The following ELOVL6 variants were observed in gnomAD, a reference collection of about 807,000 sequenced individuals.
ELOVL6 encodes the protein ELOVL fatty acid elongase 6.
In ELOVL6, 8 loss-of-function variants were observed where a neutral mutation model predicts 31.7. The ratio of observed to expected loss-of-function variants is 0.25; its 90% CI spans 0.15 to 0.45. The LOEUF (loss-of-function observed/expected upper bound fraction) is 0.45. ELOVL6 is among the 20% of genes least tolerant of loss of function. The probability of loss-of-function intolerance (pLI) is 1.00; values close to 1 mark genes in which losing one functional copy is unlikely to be tolerated. For synonymous variants in ELOVL6, 101 were observed against 117.7 expected (o/e 0.86, Z 0.92); for missense variants, 126 against 326.4 (o/e 0.39, Z 4.73).
At chr4:110,084,639 G>C (rs1756194754) in intron 2 of ELOVL6, among the ~76,000 whole-genome samples, 1 of 118,328 alleles carries the variant, frequency 8.5e-6, no homozygotes, top group African/African-American at 3.4e-5. Flanking sequence ...CTGTCGCCCA[G>C]ACTGGAGTAC....
intron 1 of ELOVL6, among the ~76,000 whole-genome samples, chr4:110,148,849 GCTTATATA>G (rs1440931430): frequency 2.6e-5 from 4 of 151,976 alleles, no homozygotes; most frequent in Non-Finnish European, 5.9e-5. Flanking sequence ...GAAAGTGAAC[GCTTATATA>G]CTTTTTGTTC....
chr4:110,094,009 G>A (rs576533511), intron 2 of ELOVL6, among the ~76,000 whole-genome samples: 2 of 152,158 alleles, frequency 1.3e-5, no homozygotes, highest in African/African-American at 4.8e-5. Flanking sequence ...CCAGCATTTT[G>A]GGAAGCCAAG....
At chr4:110,180,439 A>G (rs1759238726) in intron 1 of ELOVL6, among the ~76,000 whole-genome samples, 1 of 152,178 alleles carries the variant, frequency 6.6e-6, no homozygotes, top group African/African-American at 2.4e-5. Context: ...ACTGGAGTGG[A>G]GTAGTACAAT....
Position 110,059,713 on chromosome 4 carries a change from A to G in ELOVL6, c.263T>C (p.Ile88Thr). Residue 88 changes from isoleucine (I) to threonine (T), a missense_variant, in exon 3 of 4, where the codon ATT becomes ACT. Physicochemically the swap from Ile to Thr is moderately conservative, Grantham distance 89. This residue lies in a region of ELOVL6 where 53 missense variants were observed against 193.4 expected (regional missense o/e 0.27). Coordinates refer to ENST00000302274, the MANE Select transcript of ELOVL6 (RefSeq NM_024090.3). ...ALRTGAYMVY[I>T]LMTKGLKQSV... is the part of the protein sequence containing the mutation. Reference sequence around the variant, plus strand: ...CTGCTTCAGGCCTTTGGTCATCAAAATGTACACCATATAAGCACCAGTTCG... The same window carrying G: ...CTGCTTCAGGCCTTTGGTCATCAAAGTGTACACCATATAAGCACCAGTTCG... The G allele has an allele frequency of 6.2e-7, 1 of 1,614,094 alleles. No homozygotes were observed. Among genetic ancestry groups the G allele is most frequent in the Non-Finnish European group, 8.5e-7 (1 of 1,179,982 alleles).
rs1560815013 is a variant in ELOVL6, at chr4:110,084,357, TACC to T, written c.221+21137_221+21139del. ...TATCACATATATGATATATGATATATACCGCATATATGATATATGATATATATC... is the reference window on the plus strand; with the variant it reads ...TATCACATATATGATATATGATATATGCATATATGATATATGATATATATC... On this transcript the variant is annotated intron_variant, in intron 2 of 3. Transcript: ENST00000302274. 5.8e-4 allele frequency among the ~76,000 whole-genome samples: 60 copies of T among 102,870 alleles called. 1 individual carries two copies. Among genetic ancestry groups the T allele is most frequent in the African/African-American group, 1.9e-3 (57 of 29,296 alleles). 67.5% of individuals were successfully genotyped at this position (102,870 alleles called of 152,430 possible).
chr4:110,183,600 C>T (rs919852150), intron 1 of ELOVL6, among the ~76,000 whole-genome samples: 1 of 149,032 alleles, frequency 6.7e-6, no homozygotes, highest in Non-Finnish European at 1.5e-5. Context: ...GTTTTACCAC[C>T]TTTACAGATC....
chr4:110,117,987 C>A (rs1757237456), intron 1 of ELOVL6: 1 of 123,276 alleles, frequency 8.1e-6, no homozygotes, highest in Non-Finnish European at 1.7e-5. Context: ...GAGACAAACT[C>A]TCACTCTATC....
Position 110,084,268 on chromosome 4 carries a change from G to GATATATAACATA in ELOVL6, c.221+21228_221+21229insTATGTTATATAT, listed in dbSNP as rs1756094554. On this transcript the variant is annotated intron_variant, in intron 2 of 3. Transcript: ENST00000302274. The stretch of plus-strand genomic sequence containing the variant: ...GATATATATAACATATAGCTTATAT[G>GATATATAACATA]TGATATATAACATATATAACTTATA... Among the ~76,000 whole-genome samples the GATATATAACATA allele has an allele frequency of 2.7e-5, 3 of 111,708 alleles. 1 individual carries two copies. Among genetic ancestry groups the GATATATAACATA allele is most frequent in the Admixed American group, 9.3e-5 (1 of 10,794 alleles). 73.3% of individuals were successfully genotyped at this position (111,708 alleles called of 152,430 possible).
chr4:110,143,305 C>T (rs145790162), intron 1 of ELOVL6, among the ~76,000 whole-genome samples: 15 of 151,048 alleles, frequency 9.9e-5, no homozygotes, highest in African/African-American at 3.4e-4. Context: ...TGATTTTTAA[C>T]GGTAAAAAAA....
At chr4:110,072,093 T>C (rs986078440) in intron 2 of ELOVL6, among the ~76,000 whole-genome samples, 1 of 152,212 alleles carries the variant, frequency 6.6e-6, no homozygotes, top group Non-Finnish European at 1.5e-5. Flanking sequence ...AGCCGTCAAC[T>C]TGCTGGAGCA....
chr4:110,104,661 C>T (rs553144649), intron 2 of ELOVL6, among the ~76,000 whole-genome samples: 28 of 152,282 alleles, frequency 1.8e-4, no homozygotes, highest in African/African-American at 5.8e-4. Flanking sequence ...ACTCCGCTCC[C>T]GTTCCTCCCC....
intron 1 of ELOVL6, among the ~76,000 whole-genome samples, chr4:110,118,514 A>T (rs1757252786): frequency 6.6e-6 from 1 of 152,202 alleles, no homozygotes; most frequent in African/African-American, 2.4e-5. Context: ...TCACACAATA[A>T]CATTTCTTTT....
intron 2 of ELOVL6, among the ~76,000 whole-genome samples, chr4:110,103,156 T>C (rs1756797938): frequency 6.6e-6 from 1 of 152,184 alleles, no homozygotes; most frequent in Non-Finnish European, 1.5e-5. Flanking sequence ...GTAAGTCCAA[T>C]TAAACCTCTT....
chr4:110,084,219 TTA>T (rs1224030263), intron 2 of ELOVL6, among the ~76,000 whole-genome samples: 2 of 51,494 alleles, frequency 3.9e-5, no homozygotes, highest in African/African-American at 8.0e-5. Flanking sequence ...AACATATAAC[TTA>T]TATGATATAT....
intron 2 of ELOVL6, among the ~76,000 whole-genome samples, chr4:110,084,442 T>TATATCACATATATGATATATCATATATG (rs1756144953): frequency 8.0e-6 from 1 of 124,348 alleles, no homozygotes; most frequent in African/African-American, 3.5e-5. Context: ...TCATATATGA[T>TATATCACATATATGATATATCATATATG]ATATCGCATA....
chr4:110,193,039 T>C (rs895053358), intron 1 of ELOVL6, among the ~76,000 whole-genome samples: 16 of 152,120 alleles, frequency 1.1e-4, no homozygotes, highest in Admixed American at 2.6e-4. Flanking sequence ...TTCCAGCCAT[T>C]TTTCTTACAA....
At chr4:110,105,712 C>A in intron 1 of ELOVL6, 84 bp from the exon 2 acceptor site, 1 of 1,291,392 alleles carries the variant, frequency 7.7e-7, no homozygotes. Context: ...TCTTTGTAAG[C>A]ACTGAAAAAA....
At chr4:110,089,286 C>T (rs10857005) in intron 2 of ELOVL6, among the ~76,000 whole-genome samples, 84,660 of 151,596 alleles carry the variant, frequency 0.56, 25,013 homozygotes, top group African/African-American at 0.76. Context: ...AGTTGGCCTT[C>T]AAACAACATA....
At chr4:110,059,085 C>T (rs1755071897) in intron 3 of ELOVL6, among the ~76,000 whole-genome samples, 1 of 152,086 alleles carries the variant, frequency 6.6e-6, no homozygotes, top group African/African-American at 2.4e-5. Flanking sequence ...AATTACATTC[C>T]CCTTCCCTAA....
Sources: gnomAD v4.1 joint callset for allele counts (sites outside exome capture counted in the v4.1 genomes callset) on GRCh38, gnomAD v4.1.1 for gene constraint, gnomAD v4.1.1 regional missense constraint, MANE v1.5 for transcripts, NCBI Gene and HGNC (gene_info 2026-07-23, HGNC 2026-07-21) for gene names.